NXNL2: variants seen among roughly 807,000 people sequenced by gnomAD.
The protein encoded by NXNL2 is nucleoredoxin-like protein 2.
NXNL2 carries 7 observed loss-of-function variants against 11.1 expected under a neutral mutation model. That is an observed-to-expected ratio of 0.63 (90% confidence interval 0.36 to 1.18). The LOEUF (loss-of-function observed/expected upper bound fraction) is 1.18, where lower values mean the gene tolerates loss of function less well. NXNL2 is among the 50% of genes most tolerant of loss of function. The pLI, the probability that NXNL2 is intolerant of heterozygous loss-of-function variation, is 0.02. For missense variants in NXNL2, 233 were observed against 217.7 expected (o/e 1.07, Z -0.44); for synonymous variants, 109 against 101.8 (o/e 1.07, Z -0.42).
At chr9:88,540,934 G>GTTT (rs1829743962) in intron 1 of NXNL2, among the ~76,000 whole-genome samples, 4 of 105,430 alleles carry the variant, frequency 3.8e-5, no homozygotes, top group African/African-American at 2.4e-4. Flanking sequence ...AATCTCAGTA[G>GTTT]ATTTTTTTTT....
chr9:88,535,489 G>T lies in NXNL2; in HGVS notation c.55G>T (p.Glu19Ter). ...HLVTCKGATV[E>*]AEAALQNKVV... Reference sequence around the variant, plus strand: ...GGTGACCTGTAAGGGCGCGACGGTGGAGGCCGAGGCGGCGCTGCAGAACAA... The same window carrying T: ...GGTGACCTGTAAGGGCGCGACGGTGTAGGCCGAGGCGGCGCTGCAGAACAA... Residue 19 changes from glutamate (E) to a stop codon, truncating the protein, a stop_gained, in exon 1 of 2, where the codon GAG becomes TAG. Transcript: ENST00000375854. LOFTEE classifies it high-confidence loss of function. 6.2e-7 allele frequency: 1 copy of T among 1,609,648 alleles called. No homozygotes were observed. Among genetic ancestry groups the T allele is most frequent in the Middle Eastern group, 1.7e-4 (1 of 6,040 alleles).
Position 88,544,474 on chromosome 9 carries a change from T to C in NXNL2, c.398T>C (p.Ile133Thr). 1.3e-6 allele frequency: 2 copies of C among 1,551,722 alleles called. No individual in the cohort carries two copies. Among genetic ancestry groups the C allele is most frequent in the Admixed American group, 2.0e-5 (1 of 51,002 alleles). ...ATCACCAACAAAGGGCGGAAGCAGA[T>C]CCGGGAACGGGGGTTGGCCTGCTTC... ...EVITNKGRKQ[I>T]RERGLACFQD... The change falls in exon 2 of 2, where the codon ATC (isoleucine) becomes ACC (threonine). Residue 133 changes from isoleucine to threonine, a missense_variant. Physicochemically the swap from Ile to Thr is moderately conservative, Grantham distance 89. Coordinates refer to ENST00000375854, the MANE Select transcript of NXNL2 (RefSeq NM_001161625.2).
chr9:88,542,826 A>C (rs1380016092), intron 1 of NXNL2, among the ~76,000 whole-genome samples: 1 of 152,118 alleles, frequency 6.6e-6, no homozygotes, highest in African/African-American at 2.4e-5. Context: ...GGATGCCAGA[A>C]AGTGGCAGGA....
chr9:88,548,339 C>CAAAAAAA (rs60796870), downstream of NXNL2, among the ~76,000 whole-genome samples: 7 of 31,068 alleles, frequency 2.3e-4, 1 homozygote, highest in African/African-American at 7.3e-4. Flanking sequence ...GACTTTTTCT[C>CAAAAAAA]AAAAAAAAAA....
At chr9:88,545,500 G>C (rs1477139067), downstream of NXNL2, among the ~76,000 whole-genome samples, 1 of 152,196 alleles carries the variant, frequency 6.6e-6, no homozygotes, top group African/African-American at 2.4e-5. Context: ...AGCAATAGTA[G>C]AGTAAGGAAG....
intron 1 of NXNL2, among the ~76,000 whole-genome samples, chr9:88,569,674 A>G (rs1228551299): frequency 6.6e-6 from 1 of 152,178 alleles, no homozygotes; most frequent in Non-Finnish European, 1.5e-5. Context: ...AGGAATTCTG[A>G]ATTTTTAAAG....
intron 1 of NXNL2, among the ~76,000 whole-genome samples, chr9:88,569,933 C>T (rs1830234872): frequency 1.3e-5 from 2 of 152,036 alleles, no homozygotes; most frequent in African/African-American, 4.8e-5. Context: ...CCAGATCTTG[C>T]CATTCCCAGC....
At position 88,571,033 on chromosome 9, in the gene NXNL2, G is replaced by A. The variant is rs148827575; in HGVS notation, c.303-54G>A. ...GCTGGGATTACAGGTGTGAGCCACC[G>A]GTGCCAGGTCCCCAATACTGTTTTG... On this transcript the variant is annotated intron_variant, in intron 1 of 2. Coordinates refer to the NXNL2 transcript ENST00000375855. The A allele has an allele frequency of 1.2e-4, 46 of 391,930 alleles. 1 individual carries two copies. Among genetic ancestry groups the A allele is most frequent in the African/African-American group, 6.8e-4 (31 of 45,428 alleles). The allele number at this position is 391,930 out of a possible 1,614,324, so 24.3% of individuals were successfully genotyped here. A position where few individuals can be genotyped will look rare whatever the true frequency, so the allele number is the denominator to read the frequency against.
At chr9:88,543,961 G>C (rs572021245) in intron 1 of NXNL2, among the ~76,000 whole-genome samples, 21 of 152,194 alleles carry the variant, frequency 1.4e-4, no homozygotes, top group Admixed American at 7.9e-4. Context: ...CTTGAGGCCC[G>C]GAGGTCGAGG....
chr9:88,535,719 C>A lies in NXNL2; in HGVS notation c.285C>A (p.Phe95Leu). The change falls in exon 1 of 2, where the codon TTC becomes TTA. Residue 95 changes from phenylalanine to leucine, a missense_variant. Physicochemically the swap from Phe to Leu is conservative, Grantham distance 22. Coordinates refer to ENST00000375854, the MANE Select transcript of NXNL2 (RefSeq NM_001161625.2). ...ATGGCGCCTGGCTGGCGCTGCCCTT[C>A]CACGACCCCTACCGGCAGTGAGTGG... ...ELHGAWLALP[F>L]HDPYRHELRK... 6.3e-7 allele frequency: 1 copy of A among 1,584,646 alleles called. No individual in the cohort carries two copies.
intron 1 of NXNL2, among the ~76,000 whole-genome samples, chr9:88,560,221 G>A (rs1263934825): frequency 1.3e-5 from 2 of 151,952 alleles, no homozygotes; most frequent in African/African-American, 2.4e-5. Context: ...TCTGGATGTG[G>A]ATGCATCTTT....
At chr9:88,570,473 A>G (rs757329209) in intron 1 of NXNL2, among the ~76,000 whole-genome samples, 7 of 152,160 alleles carry the variant, frequency 4.6e-5, no homozygotes, top group Non-Finnish European at 8.8e-5. Context: ...TGAATAGAAT[A>G]TGGAGATGTA....
At chr9:88,565,308 C>T (rs1830152657) in intron 1 of NXNL2, among the ~76,000 whole-genome samples, 1 of 152,166 alleles carries the variant, frequency 6.6e-6, no homozygotes, top group African/African-American at 2.4e-5. Flanking sequence ...GTGAATAATG[C>T]TGCAGGGGAC....
At chr9:88,564,272 A>C (rs200016359) in intron 1 of NXNL2, among the ~76,000 whole-genome samples, 1 of 127,900 alleles carries the variant, frequency 7.8e-6, no homozygotes, top group African/African-American at 3.0e-5. Flanking sequence ...CTATCTGTCT[A>C]TCTATCTATC....
chr9:88,577,653 C>A (rs1225521888), downstream of NXNL2, among the ~76,000 whole-genome samples: 1 of 134,624 alleles, frequency 7.4e-6, no homozygotes, highest in African/African-American at 2.8e-5. Flanking sequence ...GAGAAGAGAG[C>A]GAGCGAGCGC....
chr9:88,545,031 G>A (rs1266056851), downstream of NXNL2: 1 of 294,946 alleles, frequency 3.4e-6, no homozygotes, highest in African/African-American at 2.3e-5. Context: ...GGAAGAAAAG[G>A]AGTCTCTTGA....
Position 88,544,625 on chromosome 9 carries a change from G to T in NXNL2, c.*78G>T. 1.1e-5 allele frequency: 16 copies of T among 1,447,824 alleles called. No homozygotes were observed. Among genetic ancestry groups the T allele is most frequent in the Non-Finnish European group, 1.5e-5 (16 of 1,097,526 alleles). The allele number at this position is 1,447,824 out of a possible 1,614,324, so 89.7% of individuals were successfully genotyped here. Reference sequence around the variant, plus strand: ...GCTGGGGCAAAGAGGAGCATGTTGGGTTCCTTCCTCTGTTGGTGTGATTTC... The same window carrying T: ...GCTGGGGCAAAGAGGAGCATGTTGGTTTCCTTCCTCTGTTGGTGTGATTTC... On this transcript the variant is annotated 3_prime_UTR_variant, in exon 2 of 2. Transcript: ENST00000375854.
chr9:88,549,487 C>T (rs779085681), downstream of NXNL2, among the ~76,000 whole-genome samples: 4 of 152,212 alleles, frequency 2.6e-5, no homozygotes, highest in Non-Finnish European at 5.9e-5. Context: ...TATGTACTCA[C>T]TGGATGAGTG....
downstream of NXNL2, among the ~76,000 whole-genome samples, chr9:88,549,043 T>C (rs1285385821): frequency 6.6e-6 from 1 of 152,178 alleles, no homozygotes; most frequent in East Asian, 1.9e-4. Context: ...CTGTGAGCAA[T>C]GCATTTCTAT....
Sources: allele counts gnomAD v4.1 joint callset (sites outside exome capture counted in the v4.1 genomes callset), GRCh38; gene constraint gnomAD v4.1.1; transcripts MANE v1.5; gene names NCBI Gene and HGNC (gene_info 2026-07-23, HGNC 2026-07-21).